Variants in RYR3 observed in about 807,000 individuals in gnomAD.
The protein encoded by RYR3 is brain ryanodine receptor-calcium release channel.
A neutral mutation model predicts 584.3 loss-of-function variants in RYR3; 207 were observed. The ratio of observed to expected loss-of-function variants is 0.35; its 90% CI spans 0.32 to 0.40. The LOEUF is 0.40. Among genes scored for constraint, RYR3 ranks in the 10% least tolerant of loss-of-function variants. The pLI is 1.00. For missense variants in RYR3, 5,616 were observed against 6,089.2 expected, an observed-to-expected ratio of 0.92 and a Z score of 2.59; for synonymous variants, 2,416 against 2,248.5, an observed-to-expected ratio of 1.07 and a Z score of -2.11.
At position 33,766,907 on chromosome 15, in the gene RYR3, C is replaced by T. The variant is rs142735634; in HGVS notation, c.8706-1751C>T. 4.6e-5 allele frequency among the ~76,000 whole-genome samples: 7 copies of T among 152,250 alleles called. No individual in the cohort carries two copies. The East Asian group carries it at 9.7e-4, about 21-fold the overall frequency. On this transcript the variant is annotated intron_variant, in intron 60 of 103. Coordinates refer to ENST00000634891, the MANE Select transcript of RYR3 (RefSeq NM_001036.6). ...GGCCCTCATAACTCTGGGCTAAAGA[C>T]GGTGCTTCCAGTTAAATCCCAGGTT...
At chr15:33,722,547 A>G in intron 43 of RYR3, 168 bp from the exon 44 acceptor site, 1 of 647,574 alleles carries the variant, frequency 1.5e-6, no homozygotes, top group Non-Finnish European at 2.7e-6. Context: ...AATCAGTTAC[A>G]GATGTCTTAG....
chr15:33,822,331 A>T (rs150927104), intron 80 of RYR3, among the ~76,000 whole-genome samples: 2 of 152,196 alleles, frequency 1.3e-5, no homozygotes. Context: ...GACCCTTGGC[A>T]TTCATAAGGG....
In RYR3 at chr15:33,452,693, A is replaced by T. The variant is rs898259703; in HGVS notation, c.52-20726A>T. 5.2e-5 allele frequency among the ~76,000 whole-genome samples: 7 copies of T among 135,460 alleles called. No individual in the cohort carries two copies. In the East Asian group the frequency reaches 1.5e-3, roughly 30 times the overall value. 88.9% of individuals were successfully genotyped at this position (135,460 alleles called of 152,430 possible). A position where few individuals can be genotyped will look rare whatever the true frequency, so the allele number is the denominator to read the frequency against. On this transcript the variant is annotated intron_variant, in intron 1 of 103. Transcript: ENST00000634891. ...ATTGTTTCCATTTCACAGCCAAAAA[A>T]ATTGAGGTGTGAGAGGTTAAAAAAA...
intron 27 of RYR3, among the ~76,000 whole-genome samples, chr15:33,638,135 CA>C (rs1468291442): frequency 6.6e-6 from 1 of 152,120 alleles, no homozygotes; most frequent in African/African-American, 2.4e-5. Context: ...TAATGCCTTC[CA>C]AAGAGGTTTA....
intron 40 of RYR3, 50 bp downstream of exon 40, chr15:33,698,046 C>A: frequency 1.5e-6 from 2 of 1,329,622 alleles, no homozygotes; most frequent in African/African-American, 1.4e-5. Flanking sequence ...GAGGCAGGAG[C>A]ACGAGGTGAC....
At chr15:33,347,297 G>T (rs1389534942) in intron 1 of RYR3, among the ~76,000 whole-genome samples, 1 of 152,112 alleles carries the variant, frequency 6.6e-6, no homozygotes, top group East Asian at 1.9e-4. Flanking sequence ...CATGGAGGAT[G>T]TCTTTTCTCC....
intron 97 of RYR3, 56 bp downstream of exon 97, chr15:33,854,505 G>T: frequency 7.1e-7 from 1 of 1,412,598 alleles, no homozygotes. Context: ...GGATGCCACA[G>T]AGAAGCAAGC....
rs769002960 is a variant in RYR3, at chr15:33,816,941, C to A, written c.10582C>A (p.Leu3528Ile). ...AGAGGAGTATTCCTTTGAAGAGAAA[C>A]TAGTACAGGATTTGGCTGTAAGTAC... ...ETEEYSFEEK[L>I]VQDLAKSPKV... The change falls in exon 75 of 104, where the codon CTA becomes ATA. Residue 3528 changes from leucine to isoleucine, a missense_variant. Coordinates refer to ENST00000634891, the MANE Select transcript of RYR3 (RefSeq NM_001036.6). 4.4e-6 allele frequency: 7 copies of A among 1,607,266 alleles called. No homozygotes were observed. The Admixed American group carries it at 1.2e-4, about 27-fold the overall frequency.
At chr15:33,810,236 T>C (rs1006159635) in intron 70 of RYR3, among the ~76,000 whole-genome samples, 3 of 152,226 alleles carry the variant, frequency 2.0e-5, no homozygotes, top group Non-Finnish European at 4.4e-5. Flanking sequence ...GCGTCGGTGA[T>C]GTGTGTTTAG....
At chr15:33,443,772 AG>A (rs1209964623) in intron 1 of RYR3, among the ~76,000 whole-genome samples, 2 of 152,222 alleles carry the variant, frequency 1.3e-5, no homozygotes, top group African/African-American at 4.8e-5. Flanking sequence ...CCACATGCCC[AG>A]GAAGTGGGAA....
chr15:33,698,127 G>A (rs2065991977), intron 40 of RYR3, 131 bp downstream of exon 40: 2 of 665,202 alleles, frequency 3.0e-6, no homozygotes, highest in Admixed American at 2.4e-5. Flanking sequence ...GATAGGCACA[G>A]TGCCAAGAAG....
chr15:33,763,904 A>AAAAAAAAAAAAAAAAAAAAAAAC (rs1567121773), intron 60 of RYR3, among the ~76,000 whole-genome samples: 12 of 130,644 alleles, frequency 9.2e-5, no homozygotes, highest in African/African-American at 3.6e-4. Flanking sequence ...AAAAAAAAAA[A>AAAAAAAAAAAAAAAAAAAAAAAC]AAAAAAAAAA....
At chr15:33,529,674 C>CA (rs1201881119) in intron 3 of RYR3, among the ~76,000 whole-genome samples, 1 of 152,106 alleles carries the variant, frequency 6.6e-6, no homozygotes, top group Non-Finnish European at 1.5e-5. Context: ...GGTGTGTGAT[C>CA]AAAAACTTGA....
At chr15:33,627,987 A>T (rs1204353048) in intron 20 of RYR3, among the ~76,000 whole-genome samples, 1 of 152,216 alleles carries the variant, frequency 6.6e-6, no homozygotes, top group African/African-American at 2.4e-5. Flanking sequence ...GCCATGCAAC[A>T]AAAAGCAAAA....
At chr15:33,539,792 CAG>C (rs1264114875) in intron 6 of RYR3, among the ~76,000 whole-genome samples, 4 of 151,858 alleles carry the variant, frequency 2.6e-5, no homozygotes, top group East Asian at 1.9e-4. Flanking sequence ...TAAAGGAAGA[CAG>C]AAAAAATGTT....
At chr15:33,670,737 G>A (rs1224499918) in intron 38 of RYR3, among the ~76,000 whole-genome samples, 181 bp downstream of exon 38, 1 of 152,100 alleles carries the variant, frequency 6.6e-6, no homozygotes, top group African/African-American at 2.4e-5. Flanking sequence ...TCTTCTGATT[G>A]AAGAAACTTA....
intron 69 of RYR3, 147 bp from the exon 70 acceptor site, chr15:33,807,408 G>C (rs2076267368): frequency 5.0e-6 from 4 of 796,060 alleles, no homozygotes; most frequent in Non-Finnish European, 8.6e-6. Flanking sequence ...TGCTCAACTG[G>C]CTTCCAGAAC....
chr15:33,815,042 C>A (rs1407126328), intron 74 of RYR3, among the ~76,000 whole-genome samples: 1 of 150,458 alleles, frequency 6.6e-6, no homozygotes, highest in Non-Finnish European at 1.5e-5. Flanking sequence ...TGCACTCCAG[C>A]CTGGGTGACA....
chr15:33,822,581 A>G (rs2077167615), intron 80 of RYR3, among the ~76,000 whole-genome samples: 1 of 152,248 alleles, frequency 6.6e-6, no homozygotes, highest in African/African-American at 2.4e-5. Flanking sequence ...TGTCAAACAA[A>G]GTTCCTACCT....
Sources: gnomAD v4.1 joint callset for allele counts (sites outside exome capture counted in the v4.1 genomes callset) on GRCh38, gnomAD v4.1.1 for gene constraint, MANE v1.5 for transcripts, NCBI Gene and HGNC (gene_info 2026-07-23, HGNC 2026-07-21) for gene names.